The following DPP10 variants were observed in gnomAD, a reference collection of about 807,000 sequenced individuals.
DPP10 encodes the protein inactive dipeptidyl peptidase 10.
DPP10 carries 33 observed loss-of-function variants against 120.9 expected under a neutral mutation model. The observed-to-expected ratio is 0.27, with a 90% CI of 0.21 to 0.37. The LOEUF is 0.37. Among genes scored for constraint, DPP10 ranks in the 10% least tolerant of loss-of-function variants. DPP10 has a pLI of 1.00. For synonymous variants in DPP10, 337 were observed against 326.1 expected, an observed-to-expected ratio of 1.03 and a Z score of -0.36; for missense variants, 816 against 942.8, an observed-to-expected ratio of 0.87 and a Z score of 1.76.
intron 1 of DPP10, among the ~76,000 whole-genome samples, chr2:114,991,389 A>G (rs1700747212): frequency 6.6e-6 from 1 of 152,212 alleles, no homozygotes; most frequent in African/African-American, 2.4e-5. Context: ...CTTAACCAGA[A>G]TTGTTCACAG....
chr2:114,909,865 A>G (rs1377802332), intron 1 of DPP10, among the ~76,000 whole-genome samples: 3 of 152,128 alleles, frequency 2.0e-5, no homozygotes, highest in East Asian at 3.9e-4. Context: ...ATATATGCAC[A>G]CAGCAGGAAA....
intron 1 of DPP10, among the ~76,000 whole-genome samples, chr2:114,497,339 A>ATG (rs1271856159): frequency 0.011 from 278 of 25,964 alleles, 2 homozygotes; most frequent in East Asian, 0.035. Flanking sequence ...ATACATGTAC[A>ATG]TATACATACA....
chr2:115,628,036 A>T (rs910987161), intron 5 of DPP10, among the ~76,000 whole-genome samples: 1 of 111,448 alleles, frequency 9.0e-6, no homozygotes, highest in Non-Finnish European at 1.7e-5. Flanking sequence ...TGGTTCTAGA[A>T]ATGCCATTTC....
intron 19 of DPP10, among the ~76,000 whole-genome samples, chr2:115,800,282 G>T (rs1685045739): frequency 6.6e-6 from 1 of 151,248 alleles, no homozygotes; most frequent in South Asian, 2.1e-4. Context: ...TGATGGGGTT[G>T]TTTGTTTTTT....
intron 7 of DPP10, among the ~76,000 whole-genome samples, chr2:115,716,126 A>G (rs2092485355): frequency 6.6e-6 from 1 of 152,234 alleles, no homozygotes; most frequent in Non-Finnish European, 1.5e-5. Flanking sequence ...TGGAACGTGT[A>G]GTAACCCAGT....
intron 3 of DPP10, among the ~76,000 whole-genome samples, chr2:115,491,159 C>A (rs1373042533): frequency 1.3e-5 from 2 of 152,034 alleles, no homozygotes; most frequent in African/African-American, 2.4e-5. Flanking sequence ...CCCCAAAAAA[C>A]CCATACCAAA....
At chr2:115,341,615 C>A (rs2063451208) in intron 2 of DPP10, among the ~76,000 whole-genome samples, 1 of 152,146 alleles carries the variant, frequency 6.6e-6, no homozygotes, top group South Asian at 2.1e-4. Context: ...TCATTCCTTC[C>A]CTCGCAATTC....
At chr2:115,196,755 C>A (rs2055305071) in intron 1 of DPP10, among the ~76,000 whole-genome samples, 1 of 152,156 alleles carries the variant, frequency 6.6e-6, no homozygotes, top group Non-Finnish European at 1.5e-5. Context: ...TCCTTTGGAG[C>A]TGTCAGCCTG....
intron 1 of DPP10, among the ~76,000 whole-genome samples, chr2:114,941,969 C>T (rs1304297363): frequency 1.3e-5 from 2 of 151,772 alleles, no homozygotes; most frequent in African/African-American, 4.8e-5. Context: ...AACATTTTGT[C>T]AGATCAAAAA....
At chr2:115,463,320 GACT>G (rs2074107114) in intron 3 of DPP10, among the ~76,000 whole-genome samples, 1 of 152,122 alleles carries the variant, frequency 6.6e-6, no homozygotes, top group Admixed American at 6.6e-5. Context: ...ACAAGTTACT[GACT>G]ACTATTTATA....
intron 1 of DPP10, among the ~76,000 whole-genome samples, chr2:114,685,685 G>A (rs1699318043): frequency 6.6e-6 from 1 of 151,884 alleles, no homozygotes; most frequent in African/African-American, 2.4e-5. Flanking sequence ...AAATATGGAA[G>A]TCTTTCCTGA....
intron 19 of DPP10, among the ~76,000 whole-genome samples, chr2:115,804,446 C>G (rs1417344887): frequency 6.6e-6 from 1 of 152,218 alleles, no homozygotes; most frequent in Non-Finnish European, 1.5e-5. Flanking sequence ...AAGTCATTCT[C>G]CATGCAGCTT....
chr2:115,382,756 A>G lies in DPP10; in HGVS notation c.271+38844A>G, dbSNP rs557753882. ...AGTTTTTCCCTTATTGCCACTTTCCATTTACATTTGTTCCCACCATTCAAT... is the reference window on the plus strand; with the variant it reads ...AGTTTTTCCCTTATTGCCACTTTCCGTTTACATTTGTTCCCACCATTCAAT... On this transcript the variant is annotated intron_variant, in intron 3 of 25. Coordinates refer to ENST00000410059, the MANE Select transcript of DPP10 (RefSeq NM_020868.6). Among the ~76,000 whole-genome samples the G allele has an allele frequency of 5.9e-5, 9 of 152,330 alleles. No homozygotes were observed. The East Asian group carries it at 1.5e-3, about 26-fold the overall frequency.
At chr2:114,788,109 A>G (rs777146047) in intron 1 of DPP10, among the ~76,000 whole-genome samples, 25 of 152,146 alleles carry the variant, frequency 1.6e-4, no homozygotes, top group Non-Finnish European at 3.1e-4. Context: ...ATATACATAT[A>G]TGAGTGCATT....
chr2:114,853,304 A>G (rs1200609892), intron 1 of DPP10, among the ~76,000 whole-genome samples: 5 of 152,176 alleles, frequency 3.3e-5, no homozygotes, highest in Non-Finnish European at 7.3e-5. Context: ...TATTAGAACT[A>G]TAACTACTAC....
intron 1 of DPP10, among the ~76,000 whole-genome samples, chr2:114,873,315 C>T (rs1042221196): frequency 2.6e-5 from 4 of 152,092 alleles, no homozygotes; most frequent in Non-Finnish European, 2.9e-5. Flanking sequence ...TATTGAGGCA[C>T]AATTGCTAAA....
At chr2:115,196,871 A>G (rs1371069059) in intron 1 of DPP10, among the ~76,000 whole-genome samples, 2 of 152,204 alleles carry the variant, frequency 1.3e-5, no homozygotes, top group East Asian at 3.9e-4. Flanking sequence ...ACACCATAAC[A>G]CTGAGCATAA....
chr2:114,836,538 G>C (rs771852265), intron 1 of DPP10, among the ~76,000 whole-genome samples: 22 of 152,252 alleles, frequency 1.4e-4, no homozygotes, highest in Admixed American at 3.3e-4. Context: ...TGGTTCACAA[G>C]GTAATAGAAT....
chr2:115,191,326 G>A (rs150451670), intron 1 of DPP10, among the ~76,000 whole-genome samples: 1 of 152,322 alleles, frequency 6.6e-6, no homozygotes, highest in Non-Finnish European at 1.5e-5. Context: ...GTTTACACTG[G>A]AATTTTCGTC....
Sources: allele counts gnomAD v4.1 joint callset (sites outside exome capture counted in the v4.1 genomes callset), GRCh38; gene constraint gnomAD v4.1.1; transcripts MANE v1.5; gene names NCBI Gene and HGNC (gene_info 2026-07-23, HGNC 2026-07-21).